DMD: variants seen among roughly 807,000 people sequenced by gnomAD.
The protein encoded by DMD is mutant dystrophin.
DMD carries 63 observed loss-of-function variants against 330.1 expected under a neutral mutation model. That is an observed-to-expected ratio of 0.19 (90% confidence interval 0.16 to 0.24). The LOEUF (loss-of-function observed/expected upper bound fraction) is 0.24, where lower values mean the gene tolerates loss of function less well. Among genes scored for constraint, DMD ranks in the 10% least tolerant of loss-of-function variants. The probability of loss-of-function intolerance (pLI) is 1.00; values close to 1 mark genes in which losing one functional copy is unlikely to be tolerated. For missense variants in DMD, 3,344 were observed against 2,684.1 expected (o/e 1.25, Z -5.43); for synonymous variants, 1,223 against 959.8 (o/e 1.27, Z -5.07).
chrX:31,185,774 G>GTT lies in DMD; in HGVS notation c.9808-2872_9808-2871dup, dbSNP rs58100460. ...TTCTTGTGTGCTTAATATGTTTTTTGTTTTTTTTTTTTACCACGTACTAAA... is the reference window on the plus strand; with the variant it reads ...TTCTTGTGTGCTTAATATGTTTTTTGTTTTTTTTTTTTTTACCACGTACTAAA... On this transcript the variant is annotated intron_variant, in intron 67 of 78. Coordinates refer to ENST00000357033, the MANE Select transcript of DMD (RefSeq NM_004006.3). 6.2e-3 allele frequency among the ~76,000 whole-genome samples: 616 copies of GTT among 100,094 alleles called. 7 individuals carry two copies. Among genetic ancestry groups the GTT allele is most frequent in the African/African-American group, 0.019 (539 of 27,846 alleles). The allele number at this position is 100,094 out of a possible 115,157, so 86.9% of individuals were successfully genotyped here.
chrX:31,745,258 G>A (rs2087726874), intron 51 of DMD, among the ~76,000 whole-genome samples: 1 of 111,185 alleles, frequency 9.0e-6, no homozygotes, highest in African/African-American at 3.3e-5. Context: ...AGTGGGAAGG[G>A]CAGCTGTGTA....
chrX:32,614,238 G>A lies in DMD; in HGVS notation c.1482+65C>T, dbSNP rs146637683. The A allele has an allele frequency of 4.3e-4, 457 of 1,060,888 alleles. 2 individuals are homozygous for A. The African/African-American group carries it at 7.7e-3, about 18-fold the overall frequency. 87.4% of individuals were successfully genotyped at this position (1,060,888 alleles called of 1,213,427 possible). A position where few individuals can be genotyped will look rare whatever the true frequency, so the allele number is the denominator to read the frequency against. On this transcript the variant is annotated intron_variant, in intron 12 of 78. Transcript: ENST00000357033. Reference sequence around the variant, plus strand: ...CATCAACCATGTCATCTGTGTTACTGTGTATAGGTACTATACACAGAGTTT... The same window carrying A: ...CATCAACCATGTCATCTGTGTTACTATGTATAGGTACTATACACAGAGTTT...
chrX:32,898,305 T>C (rs1015238824), intron 2 of DMD, among the ~76,000 whole-genome samples: 6 of 112,162 alleles, frequency 5.3e-5, no homozygotes, highest in East Asian at 2.8e-4. Context: ...TTTGAACTGG[T>C]AGCCATTGAT....
At chrX:33,134,900 A>T (rs1037958137) in intron 1 of DMD, among the ~76,000 whole-genome samples, 3 of 111,972 alleles carry the variant, frequency 2.7e-5, no homozygotes, top group Non-Finnish European at 1.9e-5. Flanking sequence ...TACGTCTCCT[A>T]TATGAGAACA....
At chrX:32,320,044 A>G (rs2097604031) in intron 41 of DMD, among the ~76,000 whole-genome samples, 2 of 111,188 alleles carry the variant, frequency 1.8e-5, no homozygotes, top group African/African-American at 6.5e-5. Flanking sequence ...TCAGTGTGAA[A>G]ATAAAAGTAA....
intron 30 of DMD, among the ~76,000 whole-genome samples, chrX:32,396,702 T>C (rs1328550375): frequency 9.0e-6 from 1 of 111,572 alleles, no homozygotes; most frequent in East Asian, 2.8e-4. Context: ...ATTCAATTCA[T>C]TACTAAAATT....
chrX:32,876,145 T>C (rs771706704), intron 2 of DMD, among the ~76,000 whole-genome samples: 21 of 111,666 alleles, frequency 1.9e-4, no homozygotes, highest in African/African-American at 6.8e-4. Context: ...ATAGTTTTGC[T>C]TATTTCTATT....
At chrX:33,021,002 C>G (rs2093903764) in intron 1 of DMD, among the ~76,000 whole-genome samples, 1 of 111,122 alleles carries the variant, frequency 9.0e-6, no homozygotes, top group African/African-American at 3.3e-5. Flanking sequence ...CTTCCCAGAA[C>G]TTAGCACACT....
At chrX:31,411,298 G>A (rs748655770) in intron 60 of DMD, among the ~76,000 whole-genome samples, 64 of 111,486 alleles carry the variant, frequency 5.7e-4, no homozygotes, top group Non-Finnish European at 9.6e-4. Flanking sequence ...ACCACCAACA[G>A]AGGACATCAG....
At chrX:33,098,521 A>G (rs1221949858) in intron 1 of DMD, among the ~76,000 whole-genome samples, 2 of 111,026 alleles carry the variant, frequency 1.8e-5, no homozygotes, top group Admixed American at 1.9e-4. Context: ...CTTAAGTAGC[A>G]CGGCACTAAA....
At chrX:32,131,124 G>T (rs982478135) in intron 44 of DMD, among the ~76,000 whole-genome samples, 17 of 111,794 alleles carry the variant, frequency 1.5e-4, no homozygotes, top group Admixed American at 1.5e-3. Context: ...GGCAGAGGTT[G>T]CAGTGAGCAG....
chrX:32,269,310 G>T (rs758495496), intron 43 of DMD, among the ~76,000 whole-genome samples: 1 of 111,610 alleles, frequency 9.0e-6, no homozygotes, highest in Non-Finnish European at 1.9e-5. Flanking sequence ...ATAAGACCAT[G>T]GAAGTATGCC....
At chrX:32,634,484 C>G (rs960186672) in intron 11 of DMD, among the ~76,000 whole-genome samples, 2 of 112,169 alleles carry the variant, frequency 1.8e-5, no homozygotes, top group Middle Eastern at 9.2e-3. Context: ...CACCCAATAC[C>G]CACAGCAAGT....
chrX:32,663,615 G>A (rs2147112488), intron 9 of DMD, among the ~76,000 whole-genome samples: 1 of 111,276 alleles, frequency 9.0e-6, no homozygotes, highest in East Asian at 2.8e-4. Context: ...CAACTACAAA[G>A]GACCAGGCAC....
intron 51 of DMD, among the ~76,000 whole-genome samples, chrX:31,760,153 G>A (rs187119256): frequency 2.7e-5 from 3 of 112,319 alleles, no homozygotes; most frequent in East Asian, 5.6e-4. Flanking sequence ...TGAGGATCAT[G>A]TATGAACACC....
intron 9 of DMD, among the ~76,000 whole-genome samples, chrX:32,667,682 A>G (rs2061387493): frequency 1.8e-5 from 2 of 111,116 alleles, no homozygotes; most frequent in African/African-American, 6.5e-5. Context: ...CACATGTATA[A>G]TATTTGTCTT....
At chrX:32,774,654 A>C (rs956165673) in intron 7 of DMD, among the ~76,000 whole-genome samples, 1 of 110,909 alleles carries the variant, frequency 9.0e-6, no homozygotes, top group African/African-American at 3.3e-5. Context: ...TGAGTGCAGC[A>C]TAGGGGAACC....
chrX:32,643,835 G>C (rs776209451), intron 11 of DMD, among the ~76,000 whole-genome samples: 1 of 111,813 alleles, frequency 8.9e-6, no homozygotes, highest in South Asian at 3.7e-4. Context: ...GCCTTTTATA[G>C]TGACATTTTA....
At chrX:31,429,714 A>G (rs2063925948) in intron 60 of DMD, among the ~76,000 whole-genome samples, 1 of 109,934 alleles carries the variant, frequency 9.1e-6, no homozygotes, top group Non-Finnish European at 1.9e-5. Context: ...GTGTTCCTCT[A>G]CACAAGGAAC....
Sources: gnomAD v4.1 joint callset for allele counts (sites outside exome capture counted in the v4.1 genomes callset) on GRCh38, gnomAD v4.1.1 for gene constraint, MANE v1.5 for transcripts, NCBI Gene and HGNC (gene_info 2026-07-23, HGNC 2026-07-21) for gene names.